Variants in ADCYAP1R1 observed in about 807,000 individuals in gnomAD.
ADCYAP1R1 encodes pituitary adenylate cyclase-activating polypeptide type I receptor.
In ADCYAP1R1, 44 loss-of-function variants were observed where a neutral mutation model predicts 67.6. That is an observed-to-expected ratio of 0.65 (90% confidence interval 0.51 to 0.84). The LOEUF (loss-of-function observed/expected upper bound fraction) is 0.84. ADCYAP1R1 is among the 40% of genes least tolerant of loss of function. ADCYAP1R1 has a pLI of 0.00. For synonymous variants in ADCYAP1R1, 222 were observed against 219.6 expected, an observed-to-expected ratio of 1.01 and a Z score of -0.10; for missense variants, 477 against 587.9, an observed-to-expected ratio of 0.81 and a Z score of 1.95.
rs543382648 is a variant in ADCYAP1R1 at position 31,077,567 on chromosome 7, ATG to A, written c.158-414_158-413del. On this transcript the variant is annotated intron_variant, in intron 3 of 15. Transcript: ENST00000304166. Reference sequence around the variant, plus strand: ...GTAATGTGTGTGTGGTGCATGTGTGATGTGTGTGTGTTGTATGTGTGTGTGAT... The same window carrying A: ...GTAATGTGTGTGTGGTGCATGTGTGATGTGTGTGTTGTATGTGTGTGTGAT... 1.6e-3 allele frequency among the ~76,000 whole-genome samples: 200 copies of A among 126,216 alleles called. 2 individuals are homozygous for A. The Middle Eastern group carries it at 0.072, about 46-fold the overall frequency. The allele number at this position is 126,216 out of a possible 152,430, so 82.8% of individuals were successfully genotyped here. A position where few individuals can be genotyped will look rare whatever the true frequency, so the allele number is the denominator to read the frequency against.
At chr7:31,068,300 A>G (rs1794835207) in intron 3 of ADCYAP1R1, among the ~76,000 whole-genome samples, 2 of 152,194 alleles carry the variant, frequency 1.3e-5, no homozygotes, top group Admixed American at 6.5e-5. Flanking sequence ...CCCCCACTTA[A>G]CAGATGAGGC....
In ADCYAP1R1 at chr7:31,106,776, T is replaced by G; in HGVS notation, c.*92T>G. On this transcript the variant is annotated 3_prime_UTR_variant, in exon 16 of 16. Transcript: ENST00000304166. ...GCATGTTTGCGCCTCTTCCCTCCCCTTGGGCAGGCCCTGGGCTGGAAGCTT... is the reference window on the plus strand; with the variant it reads ...GCATGTTTGCGCCTCTTCCCTCCCCGTGGGCAGGCCCTGGGCTGGAAGCTT... The G allele has an allele frequency of 7.1e-7, 1 of 1,403,622 alleles. No individual in the cohort carries two copies. 86.9% of individuals were successfully genotyped at this position (1,403,622 alleles called of 1,614,324 possible).
intron 13 of ADCYAP1R1, among the ~76,000 whole-genome samples, chr7:31,101,152 C>A (rs1207479280): frequency 1.3e-5 from 2 of 152,210 alleles, no homozygotes; most frequent in African/African-American, 2.4e-5. Context: ...CAGCAGAAGT[C>A]CCTGTCTGTT....
intron 13 of ADCYAP1R1, among the ~76,000 whole-genome samples, chr7:31,099,395 T>C (rs768634286): frequency 1.3e-5 from 2 of 152,238 alleles, no homozygotes; most frequent in Non-Finnish European, 2.9e-5. Flanking sequence ...CCTTAAAATG[T>C]GGCCAGAACA....
At chr7:31,099,275 A>T (rs187002509) in intron 13 of ADCYAP1R1, among the ~76,000 whole-genome samples, 4 of 152,316 alleles carry the variant, frequency 2.6e-5, no homozygotes, top group Admixed American at 2.6e-4. Flanking sequence ...TTGAACTTGT[A>T]TCAAGAAGTC....
Position 31,064,910 on chromosome 7 carries a change from T to C in ADCYAP1R1, c.131T>C (p.Leu44Pro). Residue 44 changes from leucine to proline, a missense_variant, in exon 3 of 16, where the codon CTG becomes CCG. Physicochemically the swap from Leu to Pro is moderately conservative, Grantham distance 98. Transcript: ENST00000304166. ...GAGAAGATCCAGAGGGCCAATGAGCTGATGGGCTTCAATGATTCCTCTCCA... is the reference window on the plus strand; with the variant it reads ...GAGAAGATCCAGAGGGCCAATGAGCCGATGGGCTTCAATGATTCCTCTCCA... ...CLEKIQRANE[L>P]MGFNDSSPGC... The C allele has an allele frequency of 6.2e-7, 1 of 1,611,424 alleles. No homozygotes were observed. The highest frequency in any genetic ancestry group is 8.5e-7 in the Non-Finnish European group (1 of 1,178,724).
intron 13 of ADCYAP1R1, chr7:31,095,526 G>A: frequency 1.4e-6 from 1 of 689,866 alleles, no homozygotes; most frequent in Non-Finnish European, 2.7e-6. Context: ...CGCAGGGGAG[G>A]TGAGAGGGCA....
Position 31,086,596 on chromosome 7 carries a change from G to A in ADCYAP1R1, c.823+59G>A. 3 of 1,597,228 alleles carry A rather than the reference G, an allele frequency of 1.9e-6. No homozygotes were observed. The highest frequency in any genetic ancestry group is 2.6e-6 in the Non-Finnish European group (3 of 1,169,084). ...GTCCCGTGGTCAGGTGTGTCCAGGT[G>A]TGTCTTTGGTTCCATCTTCAGGAAG... On this transcript the variant is annotated intron_variant, in intron 10 of 15. Coordinates refer to ENST00000304166, the MANE Select transcript of ADCYAP1R1 (RefSeq NM_001118.5). The surrounding 1 kb of genome is among the most constrained non-coding windows in gnomAD (Gnocchi z 5.0).
chr7:31,081,827 A>G, intron 6 of ADCYAP1R1, 73 bp downstream of exon 6: 1 of 1,298,216 alleles, frequency 7.7e-7, no homozygotes, highest in Non-Finnish European at 1.1e-6. Flanking sequence ...AGCTTTGAGA[A>G]CCCCATCCCA....
chr7:31,071,311 G>A (rs1584492413), intron 3 of ADCYAP1R1, among the ~76,000 whole-genome samples: 1 of 152,262 alleles, frequency 6.6e-6, no homozygotes. Flanking sequence ...CCACTCCTGG[G>A]CACTTTATAA....
At chr7:31,063,139 T>G in intron 1 of ADCYAP1R1, 55 bp from the exon 2 acceptor site, 1 of 1,130,150 alleles carries the variant, frequency 8.8e-7, no homozygotes, top group Non-Finnish European at 1.3e-6. Flanking sequence ...GAGGTGGTCT[T>G]GCCCCCGGCC....
intron 4 of ADCYAP1R1, among the ~76,000 whole-genome samples, chr7:31,078,974 T>C (rs1377838244): frequency 6.6e-6 from 1 of 152,098 alleles, no homozygotes; most frequent in African/African-American, 2.4e-5. Context: ...TGAAGTGCTG[T>C]GGAGATATCC....
intron 14 of ADCYAP1R1, 128 bp from the exon 15 acceptor site, chr7:31,104,740 C>T: frequency 9.6e-7 from 1 of 1,037,328 alleles, no homozygotes; most frequent in Admixed American, 1.7e-5. Flanking sequence ...TACCCCAGAT[C>T]CCTGGGCAGG....
intron 3 of ADCYAP1R1, among the ~76,000 whole-genome samples, chr7:31,069,918 G>T (rs1794903678): frequency 6.6e-6 from 1 of 152,204 alleles, no homozygotes; most frequent in Non-Finnish European, 1.5e-5. Context: ...GGGGTTTGGA[G>T]ACATAGTCAT....
chr7:31,080,778 T>C (rs1795484423), intron 5 of ADCYAP1R1, 145 bp downstream of exon 5: 5 of 814,304 alleles, frequency 6.1e-6, no homozygotes, highest in Non-Finnish European at 9.7e-6. Flanking sequence ...CTTTCCTCCT[T>C]CCTTCCTCCC....
chr7:31,097,171 G>T (rs1243378335), intron 13 of ADCYAP1R1, among the ~76,000 whole-genome samples: 3 of 152,210 alleles, frequency 2.0e-5, no homozygotes, highest in Non-Finnish European at 2.9e-5. Context: ...AGACGTGGGG[G>T]TGAGCCCTGC....
At chr7:31,060,632 T>C (rs1425863375) in intron 1 of ADCYAP1R1, among the ~76,000 whole-genome samples, 2 of 152,152 alleles carry the variant, frequency 1.3e-5, no homozygotes, top group African/African-American at 4.8e-5. Context: ...TTTGTCTCTG[T>C]AGGGTTGACA....
intron 6 of ADCYAP1R1, among the ~76,000 whole-genome samples, chr7:31,083,257 C>T (rs1795589297): frequency 6.6e-6 from 1 of 152,226 alleles, no homozygotes; most frequent in Non-Finnish European, 1.5e-5. Flanking sequence ...CCCCCCTGCC[C>T]TGGACATGAG....
chr7:31,095,726 C>T, intron 13 of ADCYAP1R1: 1 of 718,036 alleles, frequency 1.4e-6, no homozygotes, highest in Non-Finnish European at 2.6e-6. Context: ...CCTGTGCCCT[C>T]AGACCAGCAT....
Sources: allele counts gnomAD v4.1 joint callset (sites outside exome capture counted in the v4.1 genomes callset), GRCh38; gene constraint gnomAD v4.1.1; non-coding constraint Gnocchi (gnomAD v3.1); transcripts MANE v1.5; gene names NCBI Gene and HGNC (gene_info 2026-07-23, HGNC 2026-07-21).